Variants in KCNMA1 observed in about 807,000 individuals in gnomAD.
The protein encoded by KCNMA1 is Calcium-activated potassium channel subunit alpha-1.
KCNMA1 carries 29 observed loss-of-function variants against 140.0 expected under a neutral mutation model. That is an observed-to-expected ratio of 0.21 (90% confidence interval 0.15 to 0.28). The LOEUF (loss-of-function observed/expected upper bound fraction) is 0.28. KCNMA1 is among the 10% of genes least tolerant of loss of function. KCNMA1 has a pLI of 1.00. For missense variants in KCNMA1, 880 were observed against 1,602.2 expected (o/e 0.55, Z 7.70); for synonymous variants, 612 against 611.9 (o/e 1.00, Z 0.00).
At chr10:77,283,067 G>C (rs1426237886) in intron 2 of KCNMA1, among the ~76,000 whole-genome samples, 2 of 152,150 alleles carry the variant, frequency 1.3e-5, no homozygotes, top group Non-Finnish European at 2.9e-5. Flanking sequence ...GAGCCAAACA[G>C]ACTTAGTTCA....
chr10:77,563,524 C>T (rs938083346), intron 1 of KCNMA1, among the ~76,000 whole-genome samples: 18 of 152,158 alleles, frequency 1.2e-4, no homozygotes, highest in African/African-American at 4.3e-4. Flanking sequence ...AACTTGCTCT[C>T]TTCTACCCCG....
At chr10:77,098,129 C>A (rs58763677) in intron 9 of KCNMA1, among the ~76,000 whole-genome samples, 3,042 of 152,200 alleles carry the variant, frequency 0.02, 99 homozygotes, top group African/African-American at 0.068. Flanking sequence ...ATAATTAGAC[C>A]GTGGTGAGAA....
At chr10:76,878,846 G>C (rs1302000312) in intron 29 of KCNMA1, among the ~76,000 whole-genome samples, 1 of 152,044 alleles carries the variant, frequency 6.6e-6, no homozygotes, top group Non-Finnish European at 1.5e-5. Context: ...CTGGGAAATT[G>C]GCCATGTGTA....
At chr10:77,184,062 T>TCACACACACA (rs3068684) in intron 4 of KCNMA1, among the ~76,000 whole-genome samples, 3,382 of 147,972 alleles carry the variant, frequency 0.023, 49 homozygotes, top group Middle Eastern at 0.034. Context: ...ATGTACGCAT[T>TCACACACACA]CACACACACA....
intron 9 of KCNMA1, among the ~76,000 whole-genome samples, chr10:77,103,131 A>G (rs1279874058): frequency 3.3e-5 from 5 of 152,200 alleles, no homozygotes; most frequent in Non-Finnish European, 5.9e-5. Flanking sequence ...TATTTCTTCT[A>G]AAGTATGGAA....
chr10:77,141,110 T>C (rs1436600707), intron 5 of KCNMA1, among the ~76,000 whole-genome samples: 2 of 152,104 alleles, frequency 1.3e-5, no homozygotes, highest in Non-Finnish European at 2.9e-5. Context: ...ATAACCCAAA[T>C]ACGCAAATCC....
At chr10:76,875,268 A>C (rs932793330), downstream of KCNMA1, 2 of 152,228 alleles carry the variant, frequency 1.3e-5, no homozygotes, top group African/African-American at 4.8e-5. Context: ...AGTCCAGAAC[A>C]ATTCATTATT....
intron 1 of KCNMA1, among the ~76,000 whole-genome samples, chr10:77,489,749 G>A (rs1819750383): frequency 6.6e-6 from 1 of 152,244 alleles, no homozygotes; most frequent in Admixed American, 6.5e-5. Flanking sequence ...AAGAGAAAGA[G>A]CCTTGAAAAT....
At chr10:76,959,346 T>A (rs569414126) in intron 20 of KCNMA1, among the ~76,000 whole-genome samples, 59 of 152,364 alleles carry the variant, frequency 3.9e-4, no homozygotes, top group African/African-American at 1.4e-3. Context: ...AGTGACAGTA[T>A]ACCATAGTGG....
intron 1 of KCNMA1, among the ~76,000 whole-genome samples, chr10:77,568,790 A>T (rs1472484423): frequency 1.8e-4 from 28 of 151,530 alleles, no homozygotes; most frequent in African/African-American, 6.3e-4. Flanking sequence ...AGAGGAAGTC[A>T]AATTGTCCCT....
intron 1 of KCNMA1, among the ~76,000 whole-genome samples, chr10:77,501,603 A>C (rs1029307392): frequency 6.6e-6 from 1 of 151,980 alleles, no homozygotes; most frequent in African/African-American, 2.4e-5. Context: ...CCTGCCCCCC[A>C]GCCTGATTCC....
intron 1 of KCNMA1, among the ~76,000 whole-genome samples, chr10:77,475,466 G>A (rs1431120410): frequency 6.6e-6 from 1 of 152,166 alleles, no homozygotes; most frequent in Non-Finnish European, 1.5e-5. Flanking sequence ...AAGGCTAGAA[G>A]TGAAATTAAG....
chr10:76,970,309 T>C, intron 19 of KCNMA1: 5 of 413,222 alleles, frequency 1.2e-5, no homozygotes, highest in South Asian at 3.9e-5. Flanking sequence ...CTAAAACAGT[T>C]TGTAAACACC....
At chr10:77,267,588 TG>T in intron 2 of KCNMA1, among the ~76,000 whole-genome samples, 1 of 152,296 alleles carries the variant, frequency 6.6e-6, no homozygotes, top group Middle Eastern at 3.4e-3. Context: ...AGATTTTTCT[TG>T]GATCGCTGTG....
chr10:77,521,761 C>A (rs999456059), intron 1 of KCNMA1, among the ~76,000 whole-genome samples: 84 of 152,166 alleles, frequency 5.5e-4, no homozygotes, highest in African/African-American at 1.9e-3. Flanking sequence ...GAATGAATGA[C>A]ACCCACCCCA....
chr10:77,634,634 G>C (rs2093558403), intron 1 of KCNMA1: 11 of 985,150 alleles, frequency 1.1e-5, no homozygotes, highest in African/African-American at 1.7e-5. Context: ...TCTGAGGGCT[G>C]GTAGAATTTT....
chr10:77,619,325 TCTC>T (rs2090628809), intron 1 of KCNMA1, among the ~76,000 whole-genome samples: 1 of 146,332 alleles, frequency 6.8e-6, no homozygotes, highest in African/African-American at 2.6e-5. Flanking sequence ...TCTCTCTCTC[TCTC>T]TCTCTCTCTC....
rs200929632 is a variant in KCNMA1 at position 76,887,059 on chromosome 10, C to T, written c.*207G>A. 22 of 1,475,548 alleles carry T rather than the reference C, an allele frequency of 1.5e-5. No homozygotes were observed. The highest frequency in any genetic ancestry group is 2.6e-4 in the Middle Eastern group (1 of 3,860). 91.4% of individuals were successfully genotyped at this position (1,475,548 alleles called of 1,614,324 possible). On this transcript the variant is annotated 3_prime_UTR_variant, in exon 28 of 28. Coordinates refer to ENST00000286628, the MANE Select transcript of KCNMA1 (RefSeq NM_001161352.2). ...CCAGAATCATAAATAACTTTTGGTC[C>T]GTCTGCTTATTTGCTGTTGTGCTCA...
intron 1 of KCNMA1, among the ~76,000 whole-genome samples, chr10:77,433,305 A>G (rs2097190041): frequency 6.6e-6 from 1 of 152,114 alleles, no homozygotes; most frequent in Non-Finnish European, 1.5e-5. Context: ...GGTGCACACC[A>G]CCACATCTGG....
Sources: gnomAD v4.1 joint callset for allele counts (sites outside exome capture counted in the v4.1 genomes callset) on GRCh38, gnomAD v4.1.1 for gene constraint, MANE v1.5 for transcripts, NCBI Gene and HGNC (gene_info 2026-07-23, HGNC 2026-07-21) for gene names.